Variants in CNBD1 observed in about 807,000 individuals in gnomAD.
The protein encoded by CNBD1 is cyclic nucleotide binding domain containing 1, also known as cyclic nucleotide-binding domain-containing protein 1.
A neutral mutation model predicts 54.4 loss-of-function variants in CNBD1; 71 were observed. The observed-to-expected ratio is 1.30, with a 90% CI of 1.08 to 1.59. CNBD1 has a LOEUF of 1.59. Ranked by LOEUF, CNBD1 falls within the 40% of genes most tolerant of loss-of-function variation. CNBD1 has a pLI of 0.00. For missense variants in CNBD1, 659 were observed against 518.0 expected (o/e 1.27, Z -2.64); for synonymous variants, 182 against 170.7 (o/e 1.07, Z -0.51).
intron 2 of CNBD1, among the ~76,000 whole-genome samples, chr8:87,423,738 T>C (rs1807988440): frequency 6.6e-6 from 1 of 151,596 alleles, no homozygotes. Context: ...TAAAATTCTC[T>C]TTTTTGGTTG....
Position 87,284,798 on chromosome 8 carries a change from T to C in CNBD1, c.892T>C (p.Tyr298His). ...CEILKIPAKGYAKIKEEKIKL... is the reference protein window; with the variant it reads ...CEILKIPAKGHAKIKEEKIKL... Reference sequence around the variant, plus strand: ...AATTCTTAAAATCCCAGCAAAGGGATATGCAAAGATAAAGGAGGTAAGATG... The same window carrying C: ...AATTCTTAAAATCCCAGCAAAGGGACATGCAAAGATAAAGGAGGTAAGATG... Residue 298 changes from tyrosine (Y) to histidine (H), a missense_variant, in exon 7 of 11, where the codon TAT (tyrosine) becomes CAT (histidine). Tyr to His is a moderately conservative substitution (Grantham distance 83). Transcript: ENST00000518476. 6.3e-7 allele frequency: 1 copy of C among 1,585,686 alleles called. No individual in the cohort carries two copies. The highest frequency in any genetic ancestry group is 8.6e-7 in the Non-Finnish European group (1 of 1,165,562).
At chr8:87,008,869 G>A (rs1191311787) in intron 4 of CNBD1, among the ~76,000 whole-genome samples, 1 of 152,060 alleles carries the variant, frequency 6.6e-6, no homozygotes, top group African/African-American at 2.4e-5. Context: ...TACAAAAAAG[G>A]AGTTTTTTGC....
At chr8:87,064,658 T>C (rs968904150) in intron 4 of CNBD1, among the ~76,000 whole-genome samples, 12 of 151,986 alleles carry the variant, frequency 7.9e-5, no homozygotes, top group African/African-American at 2.7e-4. Context: ...AGCTCAGATA[T>C]TCTAGTAACC....
At chr8:87,326,367 G>C (rs1352360105) in intron 8 of CNBD1, among the ~76,000 whole-genome samples, 1 of 125,892 alleles carries the variant, frequency 7.9e-6, no homozygotes, top group Non-Finnish European at 1.8e-5. Flanking sequence ...CTAGATTGGG[G>C]AAGTTCTCCT....
intron 10 of CNBD1, among the ~76,000 whole-genome samples, chr8:87,364,036 G>A (rs1029632941): frequency 3.4e-5 from 5 of 145,850 alleles, no homozygotes; most frequent in African/African-American, 1.4e-4. Flanking sequence ...TGGCTCAAAT[G>A]TTGTTGTTTT....
chr8:87,388,125 G>C (rs527747511), intron 2 of CNBD1, among the ~76,000 whole-genome samples: 21 of 152,242 alleles, frequency 1.4e-4, no homozygotes, highest in Non-Finnish European at 2.9e-4. Flanking sequence ...GAAATTTATA[G>C]CACTAAATGC....
rs201837587 is a variant in CNBD1 at position 87,257,917 on chromosome 8, CATA to C, written c.771+20810_771+20812del. Among the ~76,000 whole-genome samples the C allele has an allele frequency of 8.7e-4, 132 of 152,056 alleles. 1 individual carries two copies. The highest frequency in any genetic ancestry group is 1.2e-3 in the Non-Finnish European group (85 of 68,018). ...TGGTTACTTCTATGGTGTACAATAACATAATAACGTTAATTATGATTGACAGCA... is the reference window on the plus strand; with the variant it reads ...TGGTTACTTCTATGGTGTACAATAACATAACGTTAATTATGATTGACAGCA... On this transcript the variant is annotated intron_variant, in intron 6 of 10. Coordinates refer to ENST00000518476, the MANE Select transcript of CNBD1 (RefSeq NM_173538.3).
chr8:87,385,851 A>G (rs1242668088), downstream of CNBD1, among the ~76,000 whole-genome samples: 2 of 152,118 alleles, frequency 1.3e-5, no homozygotes, highest in Admixed American at 6.5e-5. Context: ...GAGTAGCCTA[A>G]CTGGGAGGCA....
chr8:86,965,022 A>C (rs971153236), intron 4 of CNBD1, among the ~76,000 whole-genome samples: 1 of 152,200 alleles, frequency 6.6e-6, no homozygotes, highest in African/African-American at 2.4e-5. Context: ...TTGTCAACCA[A>C]GTAAATTACA....
intron 4 of CNBD1, among the ~76,000 whole-genome samples, chr8:86,940,986 G>T (rs140702928): frequency 1.9e-3 from 287 of 152,292 alleles, no homozygotes; most frequent in African/African-American, 6.5e-3. Flanking sequence ...CCAGGTTTAA[G>T]TGTACTCTAT....
chr8:86,962,967 G>A (rs905219840), intron 4 of CNBD1, among the ~76,000 whole-genome samples: 7 of 152,124 alleles, frequency 4.6e-5, no homozygotes, highest in Admixed American at 1.3e-4. Flanking sequence ...AGGGTCAAAG[G>A]AGTCCAGTGA....
intron 5 of CNBD1, among the ~76,000 whole-genome samples, chr8:87,216,204 T>C (rs1814208254): frequency 6.6e-6 from 1 of 152,202 alleles, no homozygotes; most frequent in East Asian, 1.9e-4. Context: ...GCCCTGTGAT[T>C]GAAATCAATT....
At chr8:87,133,020 C>A (rs907793478) in intron 4 of CNBD1, among the ~76,000 whole-genome samples, 1 of 151,492 alleles carries the variant, frequency 6.6e-6, no homozygotes, top group Non-Finnish European at 1.5e-5. Context: ...TTCTGTAAAT[C>A]TAATTGACTT....
chr8:86,879,541 T>A (rs367642096), intron 1 of CNBD1, among the ~76,000 whole-genome samples: 6 of 152,180 alleles, frequency 3.9e-5, no homozygotes, highest in African/African-American at 9.7e-5. Context: ...AGACAAGATA[T>A]GTTCATGGAG....
At chr8:87,154,403 T>C (rs1354781860) in intron 4 of CNBD1, among the ~76,000 whole-genome samples, 1 of 152,100 alleles carries the variant, frequency 6.6e-6, no homozygotes, top group Non-Finnish European at 1.5e-5. Context: ...GGAAGAACAG[T>C]TGAGGCAGTA....
chr8:87,143,132 G>T (rs117820369), intron 4 of CNBD1, among the ~76,000 whole-genome samples: 2,336 of 152,210 alleles, frequency 0.015, 34 homozygotes, highest in Non-Finnish European at 0.024. Flanking sequence ...AGCTCCACTA[G>T]AAACAGGCAA....
At chr8:86,926,407 T>C (rs1809361765) in intron 3 of CNBD1, among the ~76,000 whole-genome samples, 2 of 152,154 alleles carry the variant, frequency 1.3e-5, no homozygotes, top group Non-Finnish European at 2.9e-5. Flanking sequence ...GTTCCAGTTG[T>C]AAGACCATCT....
intron 4 of CNBD1, among the ~76,000 whole-genome samples, chr8:87,049,715 A>G (rs1310273847): frequency 6.6e-6 from 1 of 152,190 alleles, no homozygotes; most frequent in Non-Finnish European, 1.5e-5. Flanking sequence ...GCACATTTTT[A>G]ACTGAACTGC....
intron 10 of CNBD1, among the ~76,000 whole-genome samples, chr8:87,355,504 G>A (rs1026196697): frequency 1.3e-5 from 2 of 152,092 alleles, no homozygotes; most frequent in Non-Finnish European, 2.9e-5. Flanking sequence ...GCAGCCACCT[G>A]TATTCAGCCC....
Sources: gnomAD v4.1 joint callset for allele counts (sites outside exome capture counted in the v4.1 genomes callset) on GRCh38, gnomAD v4.1.1 for gene constraint, MANE v1.5 for transcripts, NCBI Gene and HGNC (gene_info 2026-07-23, HGNC 2026-07-21) for gene names.